DCDC1: variants seen among roughly 807,000 people sequenced by gnomAD.
DCDC1 encodes doublecortin domain containing 1, also known as doublecortin domain-containing protein 1.
In DCDC1, 200 loss-of-function variants were observed where a neutral mutation model predicts 178.3. The observed-to-expected ratio is 1.12, with a 90% CI of 1.00 to 1.26. The LOEUF is 1.26. Among genes scored for constraint, DCDC1 ranks in the 50% most tolerant of loss-of-function variants. The pLI is 0.00. For synonymous variants in DCDC1, 690 were observed against 604.8 expected (o/e 1.14, Z -2.07); for missense variants, 1,983 against 1,749.2 (o/e 1.13, Z -2.38).
At chr11:31,062,732 A>C (rs1956005511) in intron 20 of DCDC1, among the ~76,000 whole-genome samples, 1 of 152,040 alleles carries the variant, frequency 6.6e-6, no homozygotes, top group Non-Finnish European at 1.5e-5. Context: ...TCCTGTAAAA[A>C]TTCCAGGTGG....
intron 20 of DCDC1, among the ~76,000 whole-genome samples, chr11:31,005,612 G>T (rs1384032749): frequency 6.6e-6 from 1 of 152,036 alleles, no homozygotes; most frequent in Non-Finnish European, 1.5e-5. Flanking sequence ...CACTCTCAAA[G>T]AACCTATAGT....
At chr11:30,870,689 A>C (rs896497684) in intron 38 of DCDC1, among the ~76,000 whole-genome samples, 5 of 152,178 alleles carry the variant, frequency 3.3e-5, no homozygotes, top group African/African-American at 1.2e-4. Flanking sequence ...TATGTTCAGA[A>C]GTGTTACTTA....
chr11:30,959,963 C>T (rs1948996252), intron 20 of DCDC1, among the ~76,000 whole-genome samples: 1 of 152,082 alleles, frequency 6.6e-6, no homozygotes, highest in South Asian at 2.1e-4. Flanking sequence ...GATTGCCCTT[C>T]CTAATAAACC....
chr11:30,866,868 ATTT>A (rs1165373787), intron 38 of DCDC1, among the ~76,000 whole-genome samples: 2 of 152,070 alleles, frequency 1.3e-5, no homozygotes, highest in African/African-American at 2.4e-5. Flanking sequence ...GTCATGAGGG[ATTT>A]ACCCTCATAA....
At chr11:30,876,423 G>T (rs1942124159) in intron 38 of DCDC1, among the ~76,000 whole-genome samples, 1 of 152,180 alleles carries the variant, frequency 6.6e-6, no homozygotes. Flanking sequence ...GCTGTTTTTA[G>T]TCTAAGCTAA....
chr11:31,283,483 T>G (rs1042839452), intron 7 of DCDC1, among the ~76,000 whole-genome samples: 1 of 152,176 alleles, frequency 6.6e-6, no homozygotes, highest in African/African-American at 2.4e-5. Flanking sequence ...CATGTTTTTT[T>G]TTAATACGTG....
intron 20 of DCDC1, among the ~76,000 whole-genome samples, chr11:31,013,354 C>A (rs1414405196): frequency 2.0e-5 from 3 of 152,044 alleles, no homozygotes; most frequent in South Asian, 2.1e-4. Flanking sequence ...TATCAAATGA[C>A]AAATTCCATA....
intron 9 of DCDC1, among the ~76,000 whole-genome samples, chr11:31,197,120 G>T (rs1970786132): frequency 6.6e-6 from 1 of 151,982 alleles, no homozygotes; most frequent in Non-Finnish European, 1.5e-5. Flanking sequence ...GTCACAGGGT[G>T]CAATAAGAGA....
chr11:31,182,531 G>A (rs555070805), intron 9 of DCDC1, among the ~76,000 whole-genome samples: 148 of 152,246 alleles, frequency 9.7e-4, no homozygotes, highest in African/African-American at 3.1e-3. Flanking sequence ...CAAATGTTGA[G>A]AGATTTTGTC....
At chr11:31,278,816 A>AT (rs1487773174) in intron 7 of DCDC1, among the ~76,000 whole-genome samples, 1 of 152,150 alleles carries the variant, frequency 6.6e-6, no homozygotes, top group Non-Finnish European at 1.5e-5. Flanking sequence ...TAAAAAATAA[A>AT]TAACAATAAT....
Position 30,892,870 on chromosome 11 carries a change from T to C in DCDC1, c.5030A>G (p.Asn1677Ser). Residue 1677 changes from asparagine to serine, a missense_variant, in exon 36 of 39, where the codon AAT becomes AGT. Transcript: ENST00000684477. ...PNTKRVWIYL[N>S]GGRPEDGTYA... ...AGTGCCATCTTCAGGTCTGCCTCCATTTAGATAAATCCACACTCGTTTTGT... is the reference window on the plus strand; with the variant it reads ...AGTGCCATCTTCAGGTCTGCCTCCACTTAGATAAATCCACACTCGTTTTGT... 6.2e-7 allele frequency: 1 copy of C among 1,613,936 alleles called. No individual in the cohort carries two copies. The highest frequency in any genetic ancestry group is 8.5e-7 in the Non-Finnish European group (1 of 1,179,818).
intron 17 of DCDC1, among the ~76,000 whole-genome samples, chr11:31,083,899 A>G (rs1171523975): frequency 6.6e-6 from 1 of 152,202 alleles, no homozygotes; most frequent in Non-Finnish European, 1.5e-5. Context: ...ATGAAGCAAT[A>G]TCAATATTGA....
intron 1 of DCDC1, among the ~76,000 whole-genome samples, chr11:31,342,054 G>C (rs1161487493): frequency 6.6e-6 from 1 of 152,136 alleles, no homozygotes; most frequent in Non-Finnish European, 1.5e-5. Flanking sequence ...ACCACCAATA[G>C]TACCAGCAGC....
intron 20 of DCDC1, among the ~76,000 whole-genome samples, chr11:31,026,134 G>C (rs1953215299): frequency 6.6e-6 from 1 of 151,900 alleles, no homozygotes; most frequent in Non-Finnish European, 1.5e-5. Context: ...ATTTGTATCT[G>C]TATTTATCTT....
chr11:30,960,077 C>A (rs1949005734), intron 20 of DCDC1, among the ~76,000 whole-genome samples: 1 of 152,122 alleles, frequency 6.6e-6, no homozygotes, highest in African/African-American at 2.4e-5. Flanking sequence ...TGATCATACT[C>A]TCAGGTAGTA....
intron 9 of DCDC1, among the ~76,000 whole-genome samples, chr11:31,169,159 C>T (rs1966897611): frequency 6.6e-6 from 1 of 152,156 alleles, no homozygotes. Context: ...CACATGTTCT[C>T]ACTCATAAGA....
intron 20 of DCDC1, among the ~76,000 whole-genome samples, chr11:30,965,685 T>G (rs1200404499): frequency 2.4e-4 from 36 of 148,244 alleles, no homozygotes; most frequent in Non-Finnish European, 5.1e-4. Context: ...TGTGCCATGC[T>G]GGTGCGCTGC....
chr11:31,255,589 G>A (rs1417543496), intron 8 of DCDC1, among the ~76,000 whole-genome samples: 1 of 152,146 alleles, frequency 6.6e-6, no homozygotes, highest in Non-Finnish European at 1.5e-5. Flanking sequence ...AGGATGTTGA[G>A]TGTCTTTTCA....
At chr11:30,999,807 A>C (rs1394359815) in intron 20 of DCDC1, among the ~76,000 whole-genome samples, 1 of 152,230 alleles carries the variant, frequency 6.6e-6, no homozygotes, top group Non-Finnish European at 1.5e-5. Context: ...TATATACCAA[A>C]AATACAAACG....
Sources: allele counts gnomAD v4.1 joint callset (sites outside exome capture counted in the v4.1 genomes callset), GRCh38; gene constraint gnomAD v4.1.1; transcripts MANE v1.5; gene names NCBI Gene and HGNC (gene_info 2026-07-23, HGNC 2026-07-21).